The following ST3GAL1 variants were observed in gnomAD, a reference collection of about 807,000 sequenced individuals.
ST3GAL1 encodes the protein CMP-N-acetylneuraminate-beta-galactosamide-alpha-2,3-sialyltransferase 1.
A neutral mutation model predicts 34.1 loss-of-function variants in ST3GAL1; 16 were observed. The ratio of observed to expected loss-of-function variants is 0.47; its 90% confidence interval spans 0.32 to 0.71. The LOEUF (loss-of-function observed/expected upper bound fraction) is 0.71. Among genes scored for constraint, ST3GAL1 ranks in the 30% least tolerant of loss-of-function variants. The pLI is 0.04. For missense variants in ST3GAL1, 353 were observed against 447.4 expected (o/e 0.79, Z 1.90); for synonymous variants, 191 against 184.7 (o/e 1.03, Z -0.28).
chr8:133,512,969 G>A (rs1817536051), intron 2 of ST3GAL1, among the ~76,000 whole-genome samples: 1 of 152,186 alleles, frequency 6.6e-6, no homozygotes. Flanking sequence ...GGATTAGAGG[G>A]GAGGAAGGGG....
intron 2 of ST3GAL1, among the ~76,000 whole-genome samples, chr8:133,530,293 T>TA (rs35319431): frequency 6.6e-6 from 1 of 151,822 alleles, no homozygotes; most frequent in Non-Finnish European, 1.5e-5. Context: ...TTTATTTTTT[T>TA]TTTTTGAGAC....
chr8:133,480,760 A>G (rs910368827), intron 3 of ST3GAL1, among the ~76,000 whole-genome samples: 1 of 152,160 alleles, frequency 6.6e-6, no homozygotes, highest in Non-Finnish European at 1.5e-5. Flanking sequence ...TCATCATTCA[A>G]TTCCATCAAT....
intron 1 of ST3GAL1, among the ~76,000 whole-genome samples, chr8:133,569,724 C>T (rs1393290022): frequency 6.6e-6 from 1 of 152,298 alleles, no homozygotes; most frequent in South Asian, 2.1e-4. Flanking sequence ...ACTGAGGGAC[C>T]CCCGCACTGG....
At chr8:133,499,322 C>T (rs1817073546) in intron 2 of ST3GAL1, 133 bp from the exon 3 acceptor site, 1 of 152,142 alleles carries the variant, frequency 6.6e-6, no homozygotes, top group African/African-American at 2.4e-5. Flanking sequence ...GCCTCTGAGC[C>T]CTTTCAAGCC....
intron 8 of ST3GAL1, among the ~76,000 whole-genome samples, chr8:133,462,381 C>T (rs1169552140): frequency 6.6e-6 from 1 of 152,116 alleles, no homozygotes; most frequent in African/African-American, 2.4e-5. Flanking sequence ...ACATATGCAC[C>T]AAGCCACCTG....
chr8:133,506,183 C>A (rs1444863511), intron 2 of ST3GAL1, among the ~76,000 whole-genome samples: 2 of 152,142 alleles, frequency 1.3e-5, no homozygotes, highest in Non-Finnish European at 2.9e-5. Flanking sequence ...CTGGGCCAGA[C>A]TGACTTGCAT....
At chr8:133,484,353 G>A (rs1017783830) in intron 3 of ST3GAL1, among the ~76,000 whole-genome samples, 1 of 152,214 alleles carries the variant, frequency 6.6e-6, no homozygotes, top group African/African-American at 2.4e-5. Context: ...TTAATACACG[G>A]GAGTTACCTT....
At position 133,556,935 on chromosome 8, in the gene ST3GAL1, G is replaced by A. The variant is rs778590106; in HGVS notation, c.-581-11009C>T. 1.8e-4 allele frequency among the ~76,000 whole-genome samples: 27 copies of A among 152,110 alleles called. No individual in the cohort carries two copies. The highest frequency in any genetic ancestry group is 3.6e-4 in the African/African-American group (15 of 41,416). ...AGGGAGACCAGATATACTGGGTCTC[G>A]AGCCTTTTATGATGTGCATGCATGT... On this transcript the variant is annotated intron_variant, in intron 1 of 9. Transcript: ENST00000522652. The surrounding 1 kb of genome is among the most constrained non-coding windows in gnomAD (Gnocchi z 8.9).
intron 2 of ST3GAL1, among the ~76,000 whole-genome samples, chr8:133,534,591 T>G (rs1563731092): frequency 1.3e-5 from 2 of 152,174 alleles, no homozygotes; most frequent in Non-Finnish European, 2.9e-5. Context: ...GGAACGCAGA[T>G]AAGGCGTGGA....
chr8:133,563,449 C>A (rs915800435), intron 1 of ST3GAL1, among the ~76,000 whole-genome samples: 1 of 152,148 alleles, frequency 6.6e-6, no homozygotes, highest in Non-Finnish European at 1.5e-5. Flanking sequence ...ACTAAGTTTC[C>A]GCACTAGGCC....
chr8:133,461,829 CG>C lies in ST3GAL1; in HGVS notation c.849+45del. On this transcript the variant is annotated intron_variant, in intron 9 of 9. Transcript: ENST00000522652. This position sits in a 1 kb window ranked among gnomAD's most constrained non-coding sequence, Gnocchi z 4.7. Reference sequence around the variant, plus strand: ...CCTGGCCTCTCTTGGGAACACAGGACGGTGAGCTTCGAGGCAGCCCTGTGGG... The same window carrying C: ...CCTGGCCTCTCTTGGGAACACAGGACGTGAGCTTCGAGGCAGCCCTGTGGG... The C allele has an allele frequency of 6.2e-7, 1 of 1,610,870 alleles. No homozygotes were observed.
intron 3 of ST3GAL1, among the ~76,000 whole-genome samples, chr8:133,488,806 T>C (rs1023805219): frequency 6.6e-6 from 1 of 151,672 alleles, no homozygotes; most frequent in African/African-American, 2.4e-5. Context: ...AGTAGGTGAG[T>C]CCAACGAACT....
rs1485477966 is a variant in ST3GAL1 at position 133,556,174 on chromosome 8, G to A, written c.-581-10248C>T. Among the ~76,000 whole-genome samples, 1 of 152,142 alleles carries A rather than the reference G, an allele frequency of 6.6e-6. No individual in the cohort carries two copies. The highest frequency in any genetic ancestry group is 1.5e-5 in the Non-Finnish European group (1 of 68,030). ...GCCTCCCAAAGTGCTAGGATTGCAGGCATGAGCCACCATGCCCAGCTTGTT... is the reference window on the plus strand; with the variant it reads ...GCCTCCCAAAGTGCTAGGATTGCAGACATGAGCCACCATGCCCAGCTTGTT... On this transcript the variant is annotated intron_variant, in intron 1 of 9. Coordinates refer to ENST00000522652, the MANE Select transcript of ST3GAL1 (RefSeq NM_173344.3). This position sits in a 1 kb window ranked among gnomAD's most constrained non-coding sequence, Gnocchi z 8.9.
chr8:133,541,022 C>CAT (rs1391716131), intron 2 of ST3GAL1, among the ~76,000 whole-genome samples: 144 of 91,902 alleles, frequency 1.6e-3, no homozygotes, highest in Non-Finnish European at 2.3e-3. Context: ...TATATGCAGA[C>CAT]ATATATATAG....
At chr8:133,549,166 C>T (rs779125568) in intron 1 of ST3GAL1, among the ~76,000 whole-genome samples, 1 of 151,266 alleles carries the variant, frequency 6.6e-6, no homozygotes, top group African/African-American at 2.4e-5. Flanking sequence ...TTTGGGAGGC[C>T]GAGGTGGGTG....
At chr8:133,559,023 TAG>T in intron 1 of ST3GAL1, among the ~76,000 whole-genome samples, 1 of 127,930 alleles carries the variant, frequency 7.8e-6, no homozygotes, top group Non-Finnish European at 1.6e-5. Context: ...CCCAGGGCGA[TAG>T]AGTGTGGTTT....
intron 1 of ST3GAL1, among the ~76,000 whole-genome samples, chr8:133,559,028 T>C (rs1321029059): frequency 2.0e-5 from 2 of 98,832 alleles, no homozygotes; most frequent in Admixed American, 1.9e-4. Context: ...GGCGATAGAG[T>C]GTGGTTTTGT....
In ST3GAL1 at chr8:133,458,998, T is replaced by A. The variant is rs1815397254; in HGVS notation, c.*766A>T. The A allele has an allele frequency of 6.6e-6, 1 of 150,822 alleles. No individual in the cohort carries two copies. Among genetic ancestry groups the A allele is most frequent in the African/African-American group, 2.4e-5 (1 of 40,992 alleles). The allele number at this position is 150,822 out of a possible 1,614,324, so 9.3% of individuals were successfully genotyped here. A position where few individuals can be genotyped will look rare whatever the true frequency, so the allele number is the denominator to read the frequency against. On this transcript the variant is annotated 3_prime_UTR_variant, in exon 10 of 10. Coordinates refer to ENST00000522652, the MANE Select transcript of ST3GAL1 (RefSeq NM_173344.3). ...ACTCCTAGGCACAAGAGATCCTCCC[T>A]CCTCAGCCTCCCTAGTAGCTGGGGC...
chr8:133,513,106 G>A (rs555400551), intron 2 of ST3GAL1, among the ~76,000 whole-genome samples: 2 of 152,220 alleles, frequency 1.3e-5, no homozygotes, highest in South Asian at 2.1e-4. Flanking sequence ...CAGAGAACAC[G>A]GTCATCAATG....
Sources: gnomAD v4.1 joint callset for allele counts (sites outside exome capture counted in the v4.1 genomes callset) on GRCh38, gnomAD v4.1.1 for gene constraint, Gnocchi (gnomAD v3.1) non-coding constraint, MANE v1.5 for transcripts, NCBI Gene and HGNC (gene_info 2026-07-23, HGNC 2026-07-21) for gene names.